The following SNAPC3 variants were observed in gnomAD, a reference collection of about 807,000 sequenced individuals.
SNAPC3 encodes the protein snRNA-activating protein complex subunit 3.
Under a neutral mutation model 47.7 loss-of-function variants are expected in SNAPC3, and 56 were observed. The ratio of observed to expected loss-of-function variants is 1.18; its 90% CI spans 0.95 to 1.47. The LOEUF is 1.47. Among genes scored for constraint, SNAPC3 ranks in the 40% most tolerant of loss-of-function variants. SNAPC3 has a pLI of 0.00. For missense variants in SNAPC3, 665 were observed against 511.3 expected, an observed-to-expected ratio of 1.30 and a Z score of -2.90; for synonymous variants, 235 against 189.9, an observed-to-expected ratio of 1.24 and a Z score of -1.95.
downstream of SNAPC3, chr9:15,464,099 T>C (rs572735178): frequency 5.6e-5 from 10 of 179,574 alleles, no homozygotes; most frequent in East Asian, 9.3e-4. Flanking sequence ...AAAACAAGTT[T>C]ACACGTTGAA....
intron 5 of SNAPC3, among the ~76,000 whole-genome samples, chr9:15,450,671 GA>G (rs950583386): frequency 6.6e-6 from 1 of 152,158 alleles, no homozygotes; most frequent in African/African-American, 2.4e-5. Flanking sequence ...TTTTTTTCTA[GA>G]GAGCTTTGGA....
chr9:15,437,363 G>C (rs2131821673), intron 3 of SNAPC3, among the ~76,000 whole-genome samples: 1 of 152,132 alleles, frequency 6.6e-6, no homozygotes, highest in South Asian at 2.1e-4. Context: ...CTCCTGAGTA[G>C]CTGGGACTAC....
At chr9:15,450,012 A>G (rs1006562066) in intron 5 of SNAPC3, among the ~76,000 whole-genome samples, 2 of 152,312 alleles carry the variant, frequency 1.3e-5, no homozygotes, top group South Asian at 4.1e-4. Flanking sequence ...ACACATATAT[A>G]TTAAACTTCA....
intron 6 of SNAPC3, among the ~76,000 whole-genome samples, chr9:15,452,160 A>C (rs760335145): frequency 1.3e-5 from 2 of 151,858 alleles, no homozygotes; most frequent in Non-Finnish European, 2.9e-5. Context: ...ACAGGGTTTC[A>C]ACATGTTGGC....
At chr9:15,465,591 G>A (rs2132025869), downstream of SNAPC3, 1 of 1,562,556 alleles carries the variant, frequency 6.4e-7, no homozygotes, top group Non-Finnish European at 8.8e-7. Flanking sequence ...CTGAAGAAAA[G>A]GGGGAAAGGT....
chr9:15,426,968 TG>T (rs1406772609), intron 2 of SNAPC3, among the ~76,000 whole-genome samples: 3 of 152,238 alleles, frequency 2.0e-5, no homozygotes, highest in Non-Finnish European at 4.4e-5. Context: ...TGTATCTCTA[TG>T]CTTTATCTTT....
chr9:15,423,093 C>A lies in SNAPC3; in HGVS notation c.214C>A (p.Pro72Thr). Residue 72 changes from proline to threonine, a missense_variant, in exon 1 of 9, where the codon CCT becomes ACT. Physicochemically the swap from Pro to Thr is conservative, Grantham distance 38. Transcript: ENST00000380821. ...SLREPPASALPGSQAADSDRE... is the reference protein window; with the variant it reads ...SLREPPASALTGSQAADSDRE... ...GAGGGAGCCGCCGGCATCCGCTCTG[C>A]CTGGGAGCCAGGCAGCTGACTCCGA... 1 of 1,539,086 alleles carries A rather than the reference C, an allele frequency of 6.5e-7. No individual in the cohort carries two copies.
Position 15,423,955 on chromosome 9 carries a change from A to T in SNAPC3, c.361A>T (p.Ile121Phe). Residue 121 changes from isoleucine (I) to phenylalanine (F), a missense_variant, in exon 2 of 9, where the codon ATT becomes TTT. Ile to Phe is a conservative substitution (Grantham distance 21). Transcript: ENST00000380821. ...TGAGGACGGTGAGGATCCAGAAGTC[A>T]TTCCGGAGAATACTGACCTGGTGAC... Reference protein sequence around the residue: ...CLEDGEDPEVIPENTDLVTLG... With the variant: ...CLEDGEDPEVFPENTDLVTLG... 6.3e-7 allele frequency: 1 copy of T among 1,589,082 alleles called. No homozygotes were observed. The highest frequency in any genetic ancestry group is 8.6e-7 in the Non-Finnish European group (1 of 1,168,768).
chr9:15,427,703 C>T (rs1293142377), intron 2 of SNAPC3, among the ~76,000 whole-genome samples: 1 of 152,158 alleles, frequency 6.6e-6, no homozygotes, highest in Admixed American at 6.6e-5. Context: ...GCCCATCCCC[C>T]TCACTTTTGT....
chr9:15,445,437 A>T (rs1013332432), intron 4 of SNAPC3, among the ~76,000 whole-genome samples: 4 of 152,254 alleles, frequency 2.6e-5, no homozygotes, highest in African/African-American at 9.6e-5. Flanking sequence ...ATGAAAATAC[A>T]GAACATTATT....
Position 15,447,167 on chromosome 9 carries a change from A to G in SNAPC3, c.655A>G (p.Ile219Val), listed in dbSNP as rs778098514. 12 of 1,613,836 alleles carry G rather than the reference A, an allele frequency of 7.4e-6. No individual in the cohort carries two copies. The highest frequency in any genetic ancestry group is 2.2e-5 in the East Asian group (1 of 44,896). ...AAAACTCACACAACTGAGGGATTCA[A>G]TTCGATGTGTCAGTGACCTCCAGAT... is the stretch of plus-strand genomic sequence containing the variant. ...SQKLTQLRDS[I>V]RCVSDLQIGG... The change falls in exon 5 of 9, where the codon ATT (isoleucine) becomes GTT (valine). Residue 219 changes from isoleucine to valine, a missense_variant. Physicochemically the swap from Ile to Val is conservative, Grantham distance 29. Coordinates refer to ENST00000380821, the MANE Select transcript of SNAPC3 (RefSeq NM_001039697.2).
At chr9:15,444,477 C>G in intron 3 of SNAPC3, 125 bp from the exon 4 acceptor site, 1 of 603,448 alleles carries the variant, frequency 1.7e-6, no homozygotes, top group South Asian at 2.0e-5. Flanking sequence ...ACAGTTTTCC[C>G]AGAGTATAAT....
chr9:15,440,750 C>A (rs1177966820), intron 3 of SNAPC3, among the ~76,000 whole-genome samples: 1 of 151,916 alleles, frequency 6.6e-6, no homozygotes, highest in East Asian at 1.9e-4. Flanking sequence ...GAGATTGAGA[C>A]CATCCTGGCT....
At chr9:15,428,816 C>A (rs2031782580) in intron 2 of SNAPC3, among the ~76,000 whole-genome samples, 2 of 150,988 alleles carry the variant, frequency 1.3e-5, no homozygotes, top group South Asian at 2.1e-4. Flanking sequence ...TTGAAAATGA[C>A]AAAGAAAAAA....
chr9:15,451,313 C>A lies in SNAPC3; in HGVS notation c.733-7C>A. On this transcript the variant is annotated splice_region_variant and splice_polypyrimidine_tract_variant and intron_variant, in intron 5 of 8. Transcript: ENST00000380821. ...ATTTTCTCTCAATACAATCTGTTTT[C>A]TTGTAGGACCTATACAAATCAGCCT... 8.2e-7 allele frequency: 1 copy of A among 1,219,940 alleles called. No individual in the cohort carries two copies. 75.6% of individuals were successfully genotyped at this position (1,219,940 alleles called of 1,614,324 possible).
intron 3 of SNAPC3, among the ~76,000 whole-genome samples, chr9:15,434,890 T>G (rs1235365662): frequency 6.6e-6 from 1 of 152,260 alleles, no homozygotes; most frequent in African/African-American, 2.4e-5. Context: ...AATGCTGCTA[T>G]GAAAATTGGT....
In SNAPC3 at chr9:15,423,931, G is replaced by A; in HGVS notation, c.337G>A (p.Glu113Lys). Residue 113 changes from glutamate (E) to lysine (K), a missense_variant, in exon 2 of 9, where the codon GAG becomes AAG. By Grantham distance (56) the Glu-to-Lys change is moderately conservative. Coordinates refer to ENST00000380821, the MANE Select transcript of SNAPC3 (RefSeq NM_001039697.2). ...TAGCCTTGATAAACTGAAATGCCTT[G>A]AGGACGGTGAGGATCCAGAAGTCAT... ...VCGLDKLKCL[E>K]DGEDPEVIPE... The A allele has an allele frequency of 6.3e-7, 1 of 1,581,694 alleles. No individual in the cohort carries two copies. The highest frequency in any genetic ancestry group is 8.6e-7 in the Non-Finnish European group (1 of 1,165,272).
rs553475658 is a variant in SNAPC3, at chr9:15,433,588, C to T, written c.429C>T (p.Thr143=). Residue 143 remains threonine, a synonymous_variant, in exon 3 of 9, where the codon ACC becomes ACT. Transcript: ENST00000380821. ...GGTTCTTGGAACATCGGGAAGAAAC[C>T]ATTACAATAGATCGAGCCTGCAGAC... ...RKRFLEHREE[T]ITIDRACRQE... 36 of 1,608,942 alleles carry T rather than the reference C, an allele frequency of 2.2e-5. No homozygotes were observed. The South Asian group carries it at 2.4e-4, about 11-fold the overall frequency.
rs1476500820 is a variant in SNAPC3 at position 15,449,526 on chromosome 9, CT to C, written c.733-1793del. Among the ~76,000 whole-genome samples the C allele has an allele frequency of 4.9e-5, 5 of 101,226 alleles. No homozygotes were observed. The East Asian group carries it at 1.2e-3, about 24-fold the overall frequency. The allele number at this position is 101,226 out of a possible 152,430, so 66.4% of individuals were successfully genotyped here. On this transcript the variant is annotated intron_variant, in intron 5 of 8. Coordinates refer to ENST00000380821, the MANE Select transcript of SNAPC3 (RefSeq NM_001039697.2). Reference sequence around the variant, plus strand: ...TCCTGTTATATTGTTTCTGTCTCTTCTATTATTATTATATATATATATATAT... The same window carrying C: ...TCCTGTTATATTGTTTCTGTCTCTTCATTATTATTATATATATATATATAT...
Sources: allele counts gnomAD v4.1 joint callset (sites outside exome capture counted in the v4.1 genomes callset), GRCh38; gene constraint gnomAD v4.1.1; transcripts MANE v1.5; gene names NCBI Gene and HGNC (gene_info 2026-07-23, HGNC 2026-07-21).